The following SIDT2 variants were observed in gnomAD, a reference collection of about 807,000 sequenced individuals.
The protein encoded by SIDT2 is SID1 transmembrane family member 2, also known as SID1 transmembrane family, member 2.
In SIDT2, 68 loss-of-function variants were observed where a neutral mutation model predicts 114.4. That is an observed-to-expected ratio of 0.59 (90% CI 0.49 to 0.73). SIDT2 has a LOEUF of 0.73. Ranked by LOEUF, SIDT2 falls within the 30% of genes least tolerant of loss-of-function variation. SIDT2 has a pLI of 0.00. For missense variants in SIDT2, 918 were observed against 1,097.1 expected (o/e 0.84, Z 2.31); for synonymous variants, 470 against 438.4 (o/e 1.07, Z -0.90).
At chr11:117,189,556 A>G (rs1357307043) in intron 15 of SIDT2, 155 bp downstream of exon 15, 2 of 720,800 alleles carry the variant, frequency 2.8e-6, no homozygotes, top group East Asian at 2.7e-5. Flanking sequence ...CAAATCACAT[A>G]ACCCCCCCAA....
In SIDT2 at chr11:117,188,787, G is replaced by A. The variant is rs2030593569; in HGVS notation, c.1239G>A (p.Leu413=). Residue 413 remains leucine (L), a synonymous_variant, in exon 13 of 26, where the codon TTG becomes TTA. Coordinates refer to ENST00000324225, the MANE Select transcript of SIDT2 (RefSeq NM_001040455.2). This position sits in a 1 kb window ranked among gnomAD's most constrained non-coding sequence, Gnocchi z 4.0. The part of the protein sequence containing the change: ...SSVEEDDYDT[L]TDIDSDKNVI... The stretch of plus-strand genomic sequence containing the variant: ...TGGAGGAGGATGACTACGACACATT[G>A]ACCGACATCGATTCCGACAAGAATG... 6.2e-7 allele frequency: 1 copy of A among 1,614,022 alleles called. No homozygotes were observed. The highest frequency in any genetic ancestry group is 8.5e-7 in the Non-Finnish European group (1 of 1,180,028).
At chr11:117,193,279 C>T (rs755752714) in intron 23 of SIDT2, 21 bp downstream of exon 23, 1 of 1,592,660 alleles carries the variant, frequency 6.3e-7, no homozygotes, top group Admixed American at 1.7e-5. Flanking sequence ...CTGGCCAAGC[C>T]CCCTCTGTCA....
chr11:117,179,406 T>G lies in SIDT2; in HGVS notation c.143T>G (p.Val48Gly). Residue 48 changes from valine (V) to glycine (G), a missense_variant, in exon 1 of 26, where the codon GTC becomes GGC. Physicochemically the swap from Val to Gly is moderately radical, Grantham distance 109. This residue lies in a region of SIDT2 where 553 missense variants were observed against 600.1 expected (regional missense o/e 0.92). Transcript: ENST00000324225. ...TYVDEVNSELVNIYTFNHTVT... is the reference protein window; with the variant it reads ...TYVDEVNSELGNIYTFNHTVT... ...GTGGACGAGGTCAACAGCGAGCTGG[T>G]CAACATCTACACCTTCAACCATACT... 1 of 1,613,354 alleles carries G rather than the reference T, an allele frequency of 6.2e-7. No homozygotes were observed. The highest frequency in any genetic ancestry group is 8.5e-7 in the Non-Finnish European group (1 of 1,179,742).
At chr11:117,179,854 G>T (rs773457879) in intron 1 of SIDT2, 6 of 162,896 alleles carry the variant, frequency 3.7e-5, no homozygotes, top group Non-Finnish European at 6.7e-5. Context: ...AAAGCTCTGT[G>T]CAGGCAAGTT....
rs998812018 is a variant in SIDT2 at position 117,196,431 on chromosome 11, G to A, written c.*365G>A. Reference sequence around the variant, plus strand: ...CCATTTCATGCCTTGCATTTTGCCCGTCCTCCTCCCCACAATGCCCCAGCC... The same window carrying A: ...CCATTTCATGCCTTGCATTTTGCCCATCCTCCTCCCCACAATGCCCCAGCC... On this transcript the variant is annotated 3_prime_UTR_variant, in exon 26 of 26. Coordinates refer to ENST00000324225, the MANE Select transcript of SIDT2 (RefSeq NM_001040455.2). This position sits in a 1 kb window ranked among gnomAD's most constrained non-coding sequence, Gnocchi z 4.9. 14 of 284,990 alleles carry A rather than the reference G, an allele frequency of 4.9e-5. No individual in the cohort carries two copies. The highest frequency in any genetic ancestry group is 2.0e-4 in the African/African-American group (9 of 45,962). The allele number at this position is 284,990 out of a possible 1,614,324, so 17.7% of individuals were successfully genotyped here.
At position 117,188,402 on chromosome 11, in the gene SIDT2, G is replaced by A; in HGVS notation, c.1160-306G>A. On this transcript the variant is annotated intron_variant, in intron 12 of 25. Transcript: ENST00000324225. The surrounding 1 kb of genome is among the most constrained non-coding windows in gnomAD (Gnocchi z 4.0). ...TTCAATCCTGTTGTTTGTGTCTGCT[G>A]CCTGGGGTCTGCCTTGTGTCCTGGC... 2.2e-6 allele frequency: 1 copy of A among 449,772 alleles called. No homozygotes were observed. The highest frequency in any genetic ancestry group is 4.1e-6 in the Non-Finnish European group (1 of 246,104). 27.9% of individuals were successfully genotyped at this position (449,772 alleles called of 1,614,324 possible). A position where few individuals can be genotyped will look rare whatever the true frequency, so the allele number is the denominator to read the frequency against.
rs200356548 is a variant in SIDT2 at position 117,187,594 on chromosome 11, T to C, written c.1088-34T>C. 4.9e-5 allele frequency: 79 copies of C among 1,612,896 alleles called. No homozygotes were observed. In the East Asian group the frequency reaches 1.6e-3, roughly 33 times the overall value. ...TCAGAGCCCCTTTCCCTGCGGCCTC[T>C]CCTTCCTGCCTCACCACTGATCGTT... On this transcript the variant is annotated intron_variant, in intron 11 of 25. Transcript: ENST00000324225.
chr11:117,183,665 T>G, intron 6 of SIDT2, 114 bp from the exon 7 acceptor site: 1 of 792,590 alleles, frequency 1.3e-6, no homozygotes, highest in Non-Finnish European at 2.0e-6. Flanking sequence ...TTGTGAGGAT[T>G]AAGTAAAATA....
chr11:117,189,818 C>G (rs1425999372), intron 15 of SIDT2, 134 bp from the exon 16 acceptor site: 1 of 754,140 alleles, frequency 1.3e-6, no homozygotes, highest in Non-Finnish European at 2.3e-6. Flanking sequence ...GAACACGTGC[C>G]TGCGGTGCTG....
At chr11:117,186,530 A>G in intron 9 of SIDT2, 54 bp from the exon 10 acceptor site, 7 of 1,492,496 alleles carry the variant, frequency 4.7e-6, no homozygotes, top group Non-Finnish European at 6.3e-6. Context: ...AGCCCCATAC[A>G]GAGTGATCCT....
In SIDT2 at chr11:117,192,360, TG is replaced by T; in HGVS notation, c.1981+1del. ...TQLYYMGRWK[L>X]DSGIFRRILH... ...CTCTATTACATGGGCCGGTGGAAAC[TG>T]GGTAAGGGCACGCCCGGGGCAGGGC... On this transcript the variant is annotated frameshift_variant and splice_region_variant, in exon 20 of 26. Transcript: ENST00000324225. LOFTEE classifies it high-confidence loss of function. This position sits in a 1 kb window ranked among gnomAD's most constrained non-coding sequence, Gnocchi z 5.9. The T allele has an allele frequency of 1.3e-6, 2 of 1,586,160 alleles. No homozygotes were observed. The highest frequency in any genetic ancestry group is 8.7e-7 in the Non-Finnish European group (1 of 1,155,306).
intron 24 of SIDT2, among the ~76,000 whole-genome samples, chr11:117,195,085 C>CAAAAAAA (rs55970874): frequency 0.082 from 3,729 of 45,610 alleles, 1,271 homozygotes; most frequent in Non-Finnish European, 0.13. Flanking sequence ...GACTCTGTCT[C>CAAAAAAA]AAAAAAAAAA....
rs980864887 is a variant in SIDT2 at position 117,182,172 on chromosome 11, C to T, written c.516+67C>T. ...AGCTTGAATATGAGAATGGGAGTGGCCAGCGGTCTTTGCTTGGCCTTTTGA... is the reference window on the plus strand; with the variant it reads ...AGCTTGAATATGAGAATGGGAGTGGTCAGCGGTCTTTGCTTGGCCTTTTGA... On this transcript the variant is annotated intron_variant, in intron 4 of 25. Transcript: ENST00000324225. The T allele has an allele frequency of 2.5e-6, 4 of 1,575,322 alleles. No individual in the cohort carries two copies. In the South Asian group the frequency reaches 3.4e-5, roughly 13 times the overall value.
intron 9 of SIDT2, 139 bp from the exon 10 acceptor site, chr11:117,186,445 T>C (rs1035214685): frequency 1.0e-6 from 1 of 982,780 alleles, no homozygotes; most frequent in Non-Finnish European, 1.5e-6. Context: ...CCCCAGCCTG[T>C]GAGGAACCCT....
At position 117,190,657 on chromosome 11, in the gene SIDT2, A is replaced by G; in HGVS notation, c.1652A>G (p.Tyr551Cys). The G allele has an allele frequency of 6.2e-7, 1 of 1,605,040 alleles. No individual in the cohort carries two copies. The highest frequency in any genetic ancestry group is 8.5e-7 in the Non-Finnish European group (1 of 1,175,546). The change falls in exon 18 of 26, where the codon TAC (tyrosine) becomes TGC (cysteine). Residue 551 changes from tyrosine (Y) to cysteine (C), a missense_variant. Tyr to Cys is a radical substitution (Grantham distance 194). Transcript: ENST00000324225. This position sits in a 1 kb window ranked among gnomAD's most constrained non-coding sequence, Gnocchi z 4.1. ...CGIPKHFGLF[Y>C]AMGTALMMEG... is the part of the protein sequence containing the mutation. ...ATCCCCAAACACTTTGGGCTTTTCT[A>G]CGCCATGGGCACAGCCCTGATGATG...
In SIDT2 at chr11:117,178,882, C is replaced by T. The variant is rs1014522444; in HGVS notation, c.-382C>T. 18 of 208,210 alleles carry T rather than the reference C, an allele frequency of 8.6e-5. No homozygotes were observed. The highest frequency in any genetic ancestry group is 4.2e-4 in the African/African-American group (18 of 42,844). The allele number at this position is 208,210 out of a possible 1,614,324, so 12.9% of individuals were successfully genotyped here. ...CGACTCGCCTTCCTCCGCGGCCAGC[C>T]CCCGCCGCCGGCTCTTCCTCCCTCC... On this transcript the variant is annotated 5_prime_UTR_variant, in exon 1 of 26. Transcript: ENST00000324225.
intron 6 of SIDT2, 29 bp from the exon 7 acceptor site, chr11:117,183,747 TGAA>T (rs751034805): frequency 1.5e-5 from 20 of 1,371,370 alleles, no homozygotes; most frequent in Non-Finnish European, 2.0e-5. Context: ...ATGATGATGA[TGAA>T]GAAGATATTT....
Position 117,186,864 on chromosome 11 carries a change from G to A in SIDT2, c.1015+228G>A, listed in dbSNP as rs545610533. ...TTGCTTGGTTTATTCCATGTCTAGC[G>A]ATGGTGTCTGCCTGCCTTGGGCAGT... On this transcript the variant is annotated intron_variant, in intron 10 of 25. Transcript: ENST00000324225. 6.9e-6 allele frequency: 8 copies of A among 1,163,260 alleles called. No homozygotes were observed. The East Asian group carries it at 7.7e-5, about 11-fold the overall frequency. The allele number at this position is 1,163,260 out of a possible 1,614,324, so 72.1% of individuals were successfully genotyped here. A position where few individuals can be genotyped will look rare whatever the true frequency, so the allele number is the denominator to read the frequency against.
rs1167858595 is a variant in SIDT2, at chr11:117,182,545, C to T, written c.543C>T (p.Gly181=). 9.9e-6 allele frequency: 16 copies of T among 1,614,164 alleles called. No individual in the cohort carries two copies. The highest frequency in any genetic ancestry group is 2.2e-5 in the South Asian group (2 of 91,082). ...PQYFKYEFPE[G]VDSVIVKVTS... ...ACTTCAAGTATGAGTTCCCTGAAGG[C>T]GTGGACTCGGTAATTGTCAAGGTGA... The change falls in exon 5 of 26, where the codon GGC becomes GGT. Residue 181 remains glycine, a synonymous_variant. Transcript: ENST00000324225.
Sources: allele counts gnomAD v4.1 joint callset (sites outside exome capture counted in the v4.1 genomes callset), GRCh38; gene constraint gnomAD v4.1.1; regional missense constraint gnomAD v4.1.1; non-coding constraint Gnocchi (gnomAD v3.1); transcripts MANE v1.5; gene names NCBI Gene and HGNC (gene_info 2026-07-23, HGNC 2026-07-21).